Variants in MEGF11 observed in about 807,000 individuals in gnomAD.
The protein encoded by MEGF11 is multiple epidermal growth factor-like domains protein 11.
In MEGF11, 126 loss-of-function variants were observed where a neutral mutation model predicts 146.6. The observed-to-expected ratio is 0.86, with a 90% CI of 0.74 to 1.00. The LOEUF is 1.00. MEGF11 is among the 50% of genes least tolerant of loss of function. The probability of loss-of-function intolerance (pLI) is 0.00; values close to 1 mark genes in which losing one functional copy is unlikely to be tolerated. For synonymous variants in MEGF11, 532 were observed against 583.4 expected (o/e 0.91, Z 1.27); for missense variants, 1,509 against 1,521.2 (o/e 0.99, Z 0.13).
chr15:66,125,090 C>G (rs1020592179), intron 2 of MEGF11, among the ~76,000 whole-genome samples: 16 of 152,204 alleles, frequency 1.1e-4, no homozygotes, highest in African/African-American at 3.9e-4. Context: ...ACGGTAGGCT[C>G]TCTGATGCCT....
At chr15:65,999,565 C>T (rs986071784) in intron 5 of MEGF11, among the ~76,000 whole-genome samples, 1 of 152,170 alleles carries the variant, frequency 6.6e-6, no homozygotes, top group Non-Finnish European at 1.5e-5. Flanking sequence ...TCAAATCCCA[C>T]CTCTGCCTCT....
rs779973762 is a variant in MEGF11 at position 65,898,015 on chromosome 15, G to A, written c.3342C>T (p.Asn1114=). The stretch of plus-strand genomic sequence containing the variant: ...GGTCATAATGACCAGGAATATGGCT[G>A]TTCCTAGGTAGGTCGTATGCATTCT... ...YIQNAYDLPR[N]SHIPGHYDLL... The change falls in exon 26 of 26, where the codon AAC becomes AAT. Residue 1114 remains asparagine, a synonymous_variant. Transcript: ENST00000395614. The A allele has an allele frequency of 6.2e-7, 1 of 1,613,894 alleles. No individual in the cohort carries two copies. The highest frequency in any genetic ancestry group is 8.5e-7 in the Non-Finnish European group (1 of 1,179,740).
intron 3 of MEGF11, among the ~76,000 whole-genome samples, chr15:66,122,763 A>G (rs2088096921): frequency 1.5e-5 from 2 of 132,024 alleles, no homozygotes; most frequent in Admixed American, 8.3e-5. Context: ...AAGGTTTATT[A>G]AGGCTTTTTT....
intron 10 of MEGF11, among the ~76,000 whole-genome samples, chr15:65,948,590 G>A (rs539075951): frequency 7.2e-5 from 11 of 152,274 alleles, no homozygotes; most frequent in Non-Finnish European, 1.3e-4. Context: ...CCTTTTGCTT[G>A]CAGTGTGTCT....
At chr15:65,924,787 G>A (rs1054225577) in intron 13 of MEGF11, among the ~76,000 whole-genome samples, 4 of 152,084 alleles carry the variant, frequency 2.6e-5, no homozygotes, top group African/African-American at 9.7e-5. Flanking sequence ...CACCACCACA[G>A]CTGGCTAACT....
At chr15:66,191,902 C>A (rs2090892186) in intron 1 of MEGF11, among the ~76,000 whole-genome samples, 1 of 150,950 alleles carries the variant, frequency 6.6e-6, no homozygotes, top group South Asian at 2.1e-4. Flanking sequence ...GGTGAAACCC[C>A]GTATCTACTA....
intron 5 of MEGF11, among the ~76,000 whole-genome samples, chr15:66,078,315 C>T (rs1015649915): frequency 6.6e-6 from 1 of 152,244 alleles, no homozygotes; most frequent in Non-Finnish European, 1.5e-5. Flanking sequence ...TCAAGTGCCA[C>T]CTCCTCCACA....
intron 25 of MEGF11, 92 bp downstream of exon 25, chr15:65,898,636 G>C: frequency 1.3e-6 from 2 of 1,558,850 alleles, no homozygotes; most frequent in East Asian, 4.5e-5. Context: ...AGGATGTGTG[G>C]TCAAGGTGGG....
intron 5 of MEGF11, among the ~76,000 whole-genome samples, chr15:66,004,234 CT>C (rs1233340746): frequency 6.6e-6 from 1 of 152,144 alleles, no homozygotes; most frequent in Non-Finnish European, 1.5e-5. Context: ...AGTCCTCCCC[CT>C]AGACCTTGTT....
intron 13 of MEGF11, among the ~76,000 whole-genome samples, chr15:65,923,649 G>A: frequency 6.6e-6 from 1 of 152,210 alleles, no homozygotes; most frequent in East Asian, 1.9e-4. Context: ...GTACTATGAT[G>A]TATTCGATTT....
Position 65,912,066 on chromosome 15 carries a change from A to C in MEGF11, c.2829+16T>G. 1 of 1,222,022 alleles carries C rather than the reference A, an allele frequency of 8.2e-7. No homozygotes were observed. The highest frequency in any genetic ancestry group is 1.0e-6 in the Non-Finnish European group (1 of 978,816). 75.7% of individuals were successfully genotyped at this position (1,222,022 alleles called of 1,614,324 possible). A position where few individuals can be genotyped will look rare whatever the true frequency, so the allele number is the denominator to read the frequency against. On this transcript the variant is annotated intron_variant, in intron 21 of 25. Coordinates refer to ENST00000395614, the MANE Select transcript of MEGF11 (RefSeq NM_001385028.1). The stretch of plus-strand genomic sequence containing the variant: ...GAGGGCAGTGAGTGGGGGCTGGGGA[A>C]TCAGGGGCCCGGTACCTTGGTGGGG...
intron 5 of MEGF11, among the ~76,000 whole-genome samples, chr15:66,000,201 G>A (rs894105262): frequency 1.3e-5 from 2 of 152,184 alleles, no homozygotes; most frequent in Non-Finnish European, 2.9e-5. Flanking sequence ...CTTGCTGGGG[G>A]CAGCCTCTGG....
At chr15:66,061,384 T>G (rs2084900374) in intron 5 of MEGF11, among the ~76,000 whole-genome samples, 1 of 152,178 alleles carries the variant, frequency 6.6e-6, no homozygotes, top group African/African-American at 2.4e-5. Context: ...CTGGAAAGGC[T>G]TGACCCCCAC....
intron 9 of MEGF11, among the ~76,000 whole-genome samples, chr15:65,961,431 T>C (rs2080854101): frequency 6.6e-6 from 1 of 152,244 alleles, no homozygotes; most frequent in Non-Finnish European, 1.5e-5. Flanking sequence ...GCTGCATCTG[T>C]TGGCTAAATC....
At chr15:65,910,199 A>C (rs1483852433) in intron 21 of MEGF11, among the ~76,000 whole-genome samples, 3 of 152,086 alleles carry the variant, frequency 2.0e-5, no homozygotes, top group Non-Finnish European at 4.4e-5. Context: ...GGCTGCCTGC[A>C]ATATCACTGT....
intron 1 of MEGF11, among the ~76,000 whole-genome samples, chr15:66,219,730 T>C: frequency 6.6e-6 from 1 of 151,980 alleles, no homozygotes; most frequent in East Asian, 1.9e-4. Context: ...GTATCTACCA[T>C]ACAACCCAGC....
At chr15:66,121,295 A>T (rs2088011993) in intron 3 of MEGF11, among the ~76,000 whole-genome samples, 1 of 152,180 alleles carries the variant, frequency 6.6e-6, no homozygotes, top group South Asian at 2.1e-4. Context: ...GTCTTTGACC[A>T]GGGCCGCAAG....
chr15:66,091,284 T>C (rs2086310836), intron 5 of MEGF11, among the ~76,000 whole-genome samples: 1 of 152,168 alleles, frequency 6.6e-6, no homozygotes, highest in Non-Finnish European at 1.5e-5. Context: ...TCAAATTACT[T>C]GAGGAAAGCT....
At chr15:65,989,160 T>C (rs907490195) in intron 5 of MEGF11, among the ~76,000 whole-genome samples, 2 of 152,068 alleles carry the variant, frequency 1.3e-5, no homozygotes, top group African/African-American at 4.8e-5. Flanking sequence ...TTCTCACTGG[T>C]CCTCTCAGGG....
Sources: allele counts gnomAD v4.1 joint callset (sites outside exome capture counted in the v4.1 genomes callset), GRCh38; gene constraint gnomAD v4.1.1; transcripts MANE v1.5; gene names NCBI Gene and HGNC (gene_info 2026-07-23, HGNC 2026-07-21).